Variants in MSRA observed in about 807,000 individuals in gnomAD.
MSRA encodes the protein mitochondrial peptide methionine sulfoxide reductase.
Under a neutral mutation model 31.3 loss-of-function variants are expected in MSRA, and 54 were observed. The ratio of observed to expected loss-of-function variants is 1.73; its 90% CI spans 1.39 to 2.17. The LOEUF (loss-of-function observed/expected upper bound fraction) is 2.17. MSRA is among the 30% of genes most tolerant of loss of function. The pLI is 0.00. For synonymous variants in MSRA, 169 were observed against 116.5 expected (o/e 1.45, Z -2.90); for missense variants, 507 against 300.9 (o/e 1.69, Z -5.07).
chr8:10,173,490 G>C (rs1214486812), intron 1 of MSRA, among the ~76,000 whole-genome samples: 2 of 152,154 alleles, frequency 1.3e-5, no homozygotes, highest in African/African-American at 4.8e-5. Flanking sequence ...TCTTCTTTCC[G>C]TGAATCCTGA....
chr8:10,341,883 G>T (rs1289968239), intron 5 of MSRA, among the ~76,000 whole-genome samples: 1 of 152,216 alleles, frequency 6.6e-6, no homozygotes, highest in Non-Finnish European at 1.5e-5. Flanking sequence ...AGGAAGGCAT[G>T]GCTCGGGACA....
chr8:10,304,907 G>A (rs1438270202), intron 4 of MSRA, among the ~76,000 whole-genome samples: 2 of 152,156 alleles, frequency 1.3e-5, no homozygotes, highest in African/African-American at 4.8e-5. Flanking sequence ...AAACAAAAGT[G>A]ATTACTAAAA....
Position 10,292,419 on chromosome 8 carries a change from G to A in MSRA, c.332-9115G>A, listed in dbSNP as rs149683244. Among the ~76,000 whole-genome samples the A allele has an allele frequency of 3.4e-3, 524 of 152,320 alleles. 2 individuals are homozygous for A. Among genetic ancestry groups the A allele is most frequent in the South Asian group, 0.011 (55 of 4,828 alleles). On this transcript the variant is annotated intron_variant, in intron 3 of 5. Transcript: ENST00000317173. ...GCACTGAGCACTCACAGGTTGCACC[G>A]CATGGGACTGATCCCAAGTAGAATA...
intron 3 of MSRA, among the ~76,000 whole-genome samples, chr8:10,276,673 G>A (rs1799337647): frequency 6.6e-6 from 1 of 152,212 alleles, no homozygotes; most frequent in African/African-American, 2.4e-5. Context: ...AGAAAGTTAG[G>A]TTGATTGCAG....
intron 4 of MSRA, among the ~76,000 whole-genome samples, chr8:10,317,695 C>G (rs1563343633): frequency 6.6e-6 from 1 of 152,226 alleles, no homozygotes; most frequent in Non-Finnish European, 1.5e-5. Context: ...AAGTCCACTG[C>G]TTGCTTTCCT....
intron 1 of MSRA, among the ~76,000 whole-genome samples, chr8:10,092,252 T>C (rs1798895588): frequency 6.6e-6 from 1 of 152,230 alleles, no homozygotes; most frequent in Non-Finnish European, 1.5e-5. Context: ...GAGTTCTACT[T>C]TTATTCCATT....
chr8:10,421,250 C>T (rs767882292), intron 5 of MSRA, among the ~76,000 whole-genome samples: 17 of 152,162 alleles, frequency 1.1e-4, no homozygotes, highest in Non-Finnish European at 2.4e-4. Flanking sequence ...TGGCTGTGGT[C>T]ATGCCTGTCC....
At chr8:10,344,434 C>T (rs1803638543) in intron 5 of MSRA, among the ~76,000 whole-genome samples, 2 of 151,688 alleles carry the variant, frequency 1.3e-5, no homozygotes, top group Admixed American at 1.3e-4. Context: ...ATTAGACAGG[C>T]GTGGTGGTGG....
chr8:10,362,461 C>A (rs1383826010), intron 5 of MSRA, among the ~76,000 whole-genome samples: 462 of 76,064 alleles, frequency 6.1e-3, no homozygotes, highest in South Asian at 6.3e-3. Flanking sequence ...ATACCATAAG[C>A]AAAAAAAAAA....
At chr8:10,358,973 G>T (rs924337814) in intron 5 of MSRA, among the ~76,000 whole-genome samples, 10 of 152,208 alleles carry the variant, frequency 6.6e-5, no homozygotes, top group African/African-American at 2.4e-4. Context: ...TATAACTGAC[G>T]CCTGATGATC....
chr8:10,411,983 G>A (rs1585719854), intron 5 of MSRA, among the ~76,000 whole-genome samples: 1 of 152,134 alleles, frequency 6.6e-6, no homozygotes, highest in East Asian at 1.9e-4. Flanking sequence ...CTTGAACTTG[G>A]TTTTTATCAC....
At chr8:10,242,054 C>G (rs548917676) in intron 2 of MSRA, among the ~76,000 whole-genome samples, 32 of 152,256 alleles carry the variant, frequency 2.1e-4, no homozygotes, top group African/African-American at 5.8e-4. Context: ...GGCAGATCAC[C>G]TGAGGTCAGG....
chr8:10,101,654 C>T (rs997089792), intron 1 of MSRA, among the ~76,000 whole-genome samples: 4 of 152,182 alleles, frequency 2.6e-5, no homozygotes, highest in Admixed American at 6.5e-5. Flanking sequence ...CCTTTTGTGA[C>T]TGGCTTCTTT....
rs1011592032 is a variant in MSRA, at chr8:10,245,112, T to C, written c.220T>C (p.Cys74Arg). The C allele has an allele frequency of 6.2e-6, 10 of 1,612,494 alleles. No individual in the cohort carries two copies. The highest frequency in any genetic ancestry group is 5.0e-5 in the Admixed American group (3 of 59,828). Residue 74 changes from cysteine to arginine, a missense_variant, in exon 3 of 6, where the codon TGT becomes CGT. Transcript: ENST00000317173. ...CTTTTTTCTTTTTTAAGGAATGGGA[T>C]GTTTCTGGGGAGCTGAAAGGAAATT... The part of the protein sequence containing the change: ...GTQMAVFGMG[C>R]FWGAERKFWV...
At chr8:10,084,011 A>G (rs1455117571) in intron 1 of MSRA, among the ~76,000 whole-genome samples, 2 of 152,224 alleles carry the variant, frequency 1.3e-5, no homozygotes, top group African/African-American at 2.4e-5. Flanking sequence ...AGGTCTTCGT[A>G]TCAATATTAT....
chr8:10,102,156 G>A (rs962497195), intron 1 of MSRA, among the ~76,000 whole-genome samples: 2 of 152,120 alleles, frequency 1.3e-5, no homozygotes, highest in Non-Finnish European at 2.9e-5. Flanking sequence ...TCACCTTCTT[G>A]AATATGTAGG....
chr8:10,161,058 A>G (rs1039999426), intron 1 of MSRA, among the ~76,000 whole-genome samples: 3 of 152,222 alleles, frequency 2.0e-5, no homozygotes, highest in African/African-American at 7.2e-5. Context: ...AAGCCACTAT[A>G]TTACAGTGTC....
chr8:10,394,949 A>G (rs371819309), intron 5 of MSRA, among the ~76,000 whole-genome samples: 2 of 152,214 alleles, frequency 1.3e-5, no homozygotes, highest in African/African-American at 4.8e-5. Flanking sequence ...AGTCTCTTCG[A>G]TGTTGATGAT....
At chr8:10,386,837 C>T (rs1326623250) in intron 5 of MSRA, among the ~76,000 whole-genome samples, 2 of 149,864 alleles carry the variant, frequency 1.3e-5, no homozygotes, top group Non-Finnish European at 3.0e-5. Context: ...GGGATTCGAA[C>T]CCTTTGAGGA....
Sources: allele counts gnomAD v4.1 joint callset (sites outside exome capture counted in the v4.1 genomes callset), GRCh38; gene constraint gnomAD v4.1.1; transcripts MANE v1.5; gene names NCBI Gene and HGNC (gene_info 2026-07-23, HGNC 2026-07-21).